STARD13: variants seen among roughly 807,000 people sequenced by gnomAD.
STARD13 encodes the protein stAR-related lipid transfer protein 13.
In STARD13, 62 loss-of-function variants were observed where a neutral mutation model predicts 106.4. The ratio of observed to expected loss-of-function variants is 0.58; its 90% CI spans 0.48 to 0.72. The LOEUF (loss-of-function observed/expected upper bound fraction) is 0.72. Ranked by LOEUF, STARD13 falls within the 30% of genes least tolerant of loss-of-function variation. The pLI is 0.00. For missense variants in STARD13, 1,387 were observed against 1,424.0 expected (o/e 0.97, Z 0.42); for synonymous variants, 565 against 553.0 (o/e 1.02, Z -0.31).
intron 1 of STARD13, among the ~76,000 whole-genome samples, chr13:33,316,225 A>T (rs1057290674): frequency 1.3e-5 from 2 of 152,090 alleles, no homozygotes; most frequent in East Asian, 1.9e-4. Flanking sequence ...TATCTCTCAC[A>T]TGTGGTTTCC....
chr13:33,491,533 T>A, the STARD13 span, among the ~76,000 whole-genome samples: 1 of 152,226 alleles, frequency 6.6e-6, no homozygotes, highest in East Asian at 1.9e-4. Flanking sequence ...CAGTGATCTG[T>A]GAGACCTTGG....
intron 4 of STARD13, among the ~76,000 whole-genome samples, chr13:33,140,682 T>C (rs567729783): frequency 1.3e-5 from 2 of 152,314 alleles, no homozygotes; most frequent in African/African-American, 4.8e-5. Context: ...TTTTCAAAGA[T>C]TAGGTTACTA....
the STARD13 span, among the ~76,000 whole-genome samples, chr13:33,629,643 G>A: frequency 6.6e-6 from 1 of 152,218 alleles, no homozygotes; most frequent in African/African-American, 2.4e-5. Context: ...TGAGAATTAT[G>A]TATGAGACTA....
chr13:33,211,624 T>C (rs1424788121), intron 1 of STARD13, among the ~76,000 whole-genome samples: 2 of 152,228 alleles, frequency 1.3e-5, no homozygotes, highest in Admixed American at 6.5e-5. Context: ...AAATTACTTA[T>C]AATACCTAGT....
chr13:33,492,832 T>C, the STARD13 span, among the ~76,000 whole-genome samples: 2 of 152,230 alleles, frequency 1.3e-5, no homozygotes, highest in African/African-American at 4.8e-5. Context: ...GGACTCACCC[T>C]GAATTCTTTC....
chr13:33,311,800 G>T (rs993579089), intron 1 of STARD13, among the ~76,000 whole-genome samples: 1 of 152,206 alleles, frequency 6.6e-6, no homozygotes, highest in East Asian at 1.9e-4. Flanking sequence ...AGCCGTGAGA[G>T]AAGATGAGGC....
chr13:33,439,024 A>G, the STARD13 span, among the ~76,000 whole-genome samples: 1 of 152,228 alleles, frequency 6.6e-6, no homozygotes, highest in Non-Finnish European at 1.5e-5. Context: ...AATCACATAA[A>G]GGGCTTTGAA....
At chr13:33,496,870 A>G in the STARD13 span, among the ~76,000 whole-genome samples, 1 of 152,094 alleles carries the variant, frequency 6.6e-6, no homozygotes, top group Non-Finnish European at 1.5e-5. Flanking sequence ...ATCTTTATAT[A>G]GTTTCGTTTC....
the STARD13 span, among the ~76,000 whole-genome samples, chr13:33,410,688 T>C: frequency 3.9e-5 from 6 of 152,192 alleles, no homozygotes; most frequent in African/African-American, 1.4e-4. Context: ...AATAATTTCA[T>C]CTTTCTCTTT....
chr13:33,645,476 G>C, the STARD13 span, among the ~76,000 whole-genome samples: 1 of 152,114 alleles, frequency 6.6e-6, no homozygotes, highest in Non-Finnish European at 1.5e-5. Flanking sequence ...CAAAAGTGAG[G>C]GGTGTTCTGT....
At chr13:33,524,126 A>G in the STARD13 span, 1 of 465,602 alleles carries the variant, frequency 2.1e-6, no homozygotes, top group Non-Finnish European at 2.9e-6. Flanking sequence ...AAAACAAACA[A>G]GAAAAATAGA....
the STARD13 span, among the ~76,000 whole-genome samples, chr13:33,440,925 C>G: frequency 6.6e-6 from 1 of 151,460 alleles, no homozygotes; most frequent in African/African-American, 2.4e-5. Context: ...CAAGAACAAA[C>G]TGTTGATTGC....
At chr13:33,231,850 C>T (rs1843755325) in intron 1 of STARD13, among the ~76,000 whole-genome samples, 1 of 152,058 alleles carries the variant, frequency 6.6e-6, no homozygotes, top group Non-Finnish European at 1.5e-5. Context: ...TAGGGTCATC[C>T]CTTGGTATCC....
At chr13:33,561,084 C>A in the STARD13 span, among the ~76,000 whole-genome samples, 1 of 151,378 alleles carries the variant, frequency 6.6e-6, no homozygotes, top group African/African-American at 2.5e-5. Flanking sequence ...CTTCTTTAAC[C>A]TTTTCATTTC....
At chr13:33,276,009 C>T (rs1383647641) in intron 1 of STARD13, 2 of 152,214 alleles carry the variant, frequency 1.3e-5, no homozygotes, top group African/African-American at 4.8e-5. Context: ...CCTTCGCAGG[C>T]TTCTTCAAGA....
the STARD13 span, chr13:33,524,263 G>T: frequency 2.4e-6 from 3 of 1,276,444 alleles, no homozygotes; most frequent in Non-Finnish European, 3.1e-6. Flanking sequence ...AGTTCCAGTT[G>T]ACATTTGGCT....
In STARD13 at chr13:33,129,160, T is replaced by A; in HGVS notation, c.1517A>T (p.Asp506Val). The A allele has an allele frequency of 6.2e-7, 1 of 1,614,210 alleles. No homozygotes were observed. The highest frequency in any genetic ancestry group is 8.5e-7 in the Non-Finnish European group (1 of 1,180,040). Residue 506 changes from aspartate (D) to valine (V), a missense_variant, in exon 5 of 14, where the codon GAT (aspartate) becomes GTT (valine). Transcript: ENST00000336934. ...LQEVVDDWSK[D>V]VLPELQTHDT... ...ATGAGTTTGCAGTTCAGGCAAGACA[T>A]CTTTGGACCAGTCATCGACTACCTC...
At chr13:33,548,592 A>G in the STARD13 span, among the ~76,000 whole-genome samples, 1 of 152,214 alleles carries the variant, frequency 6.6e-6, no homozygotes, top group Non-Finnish European at 1.5e-5. Flanking sequence ...TGGCACACTT[A>G]ATTTTAGATA....
At chr13:33,641,582 A>G in the STARD13 span, among the ~76,000 whole-genome samples, 1 of 152,216 alleles carries the variant, frequency 6.6e-6, no homozygotes, top group Non-Finnish European at 1.5e-5. Context: ...AAGATCAGAG[A>G]AAAAGTTTTG....
Sources: allele counts gnomAD v4.1 joint callset (sites outside exome capture counted in the v4.1 genomes callset), GRCh38; gene constraint gnomAD v4.1.1; transcripts MANE v1.5; gene names NCBI Gene and HGNC (gene_info 2026-07-23, HGNC 2026-07-21).